Variants in KIAA0586 observed in about 807,000 individuals in gnomAD.
KIAA0586 encodes protein TALPID3.
A neutral mutation model predicts 169.8 loss-of-function variants in KIAA0586; 144 were observed. The ratio of observed to expected loss-of-function variants is 0.85; its 90% CI spans 0.74 to 0.97. The LOEUF is 0.97. Ranked by LOEUF, KIAA0586 falls within the 50% of genes least tolerant of loss-of-function variation. KIAA0586 has a pLI of 0.00. For synonymous variants in KIAA0586, 625 were observed against 612.4 expected, an observed-to-expected ratio of 1.02 and a Z score of -0.30; for missense variants, 1,854 against 1,823.0, an observed-to-expected ratio of 1.02 and a Z score of -0.31.
intron 5 of KIAA0586, among the ~76,000 whole-genome samples, chr14:58,443,176 T>G (rs557461118): frequency 8.7e-4 from 132 of 152,308 alleles, no homozygotes; most frequent in African/African-American, 3.0e-3. Flanking sequence ...TTATTCTTAT[T>G]TGAGAGCTAG....
At chr14:58,513,623 T>C (rs1300303321) in intron 29 of KIAA0586, among the ~76,000 whole-genome samples, 1 of 151,792 alleles carries the variant, frequency 6.6e-6, no homozygotes, top group Non-Finnish European at 1.5e-5. Context: ...ATTAATGTAC[T>C]ATGGAAAATA....
At chr14:58,535,159 G>T (rs1322825950) in intron 29 of KIAA0586, among the ~76,000 whole-genome samples, 2 of 149,192 alleles carry the variant, frequency 1.3e-5, no homozygotes, top group Non-Finnish European at 3.0e-5. Context: ...TAGTTTTTAA[G>T]ATTCTTTTAG....
chr14:58,512,552 C>T lies in KIAA0586; in HGVS notation c.4354C>T (p.Gln1452Ter). 1 of 1,539,982 alleles carries T rather than the reference C, an allele frequency of 6.5e-7. No homozygotes were observed. Among genetic ancestry groups the T allele is most frequent in the South Asian group, 1.3e-5 (1 of 78,812 alleles). Residue 1452 changes from glutamine to a stop codon, truncating the protein, a stop_gained, in exon 29 of 31, where the codon CAA becomes TAA. Coordinates refer to ENST00000652326, the MANE Select transcript of KIAA0586 (RefSeq NM_001329943.3). LOFTEE classifies it high-confidence loss of function. ...ACTAAAGCAAAATCAGGATGTTAAG[C>T]AAGTTGAACACAAACCATCACAAAG... ...YQLKQNQDVK[Q>*]VEHKPSQSYL...
chr14:58,543,218 T>C (rs1192245418), intron 30 of KIAA0586, among the ~76,000 whole-genome samples: 3 of 152,088 alleles, frequency 2.0e-5, no homozygotes, highest in Non-Finnish European at 4.4e-5. Flanking sequence ...TCAGAGAAGT[T>C]ACGTAACTTT....
chr14:58,475,972 C>T (rs1420675211), intron 19 of KIAA0586, among the ~76,000 whole-genome samples: 1 of 152,154 alleles, frequency 6.6e-6, no homozygotes, highest in Non-Finnish European at 1.5e-5. Context: ...ATGGTGCACA[C>T]CTGTGGTCCC....
At chr14:58,477,661 T>G (rs1362786321) in intron 20 of KIAA0586, among the ~76,000 whole-genome samples, 1 of 152,188 alleles carries the variant, frequency 6.6e-6, no homozygotes, top group Non-Finnish European at 1.5e-5. Flanking sequence ...ATGGTTAAAA[T>G]GAGCCTCTTT....
At chr14:58,525,093 G>A (rs1345413874) in intron 29 of KIAA0586, among the ~76,000 whole-genome samples, 1 of 152,116 alleles carries the variant, frequency 6.6e-6, no homozygotes, top group Non-Finnish European at 1.5e-5. Flanking sequence ...TCCTTTAACA[G>A]ATAGGAAATG....
chr14:58,467,606 A>AG, intron 15 of KIAA0586, 129 bp from the exon 16 acceptor site: 1 of 662,360 alleles, frequency 1.5e-6, no homozygotes. Context: ...CTGATGATGG[A>AG]GGGAGGGGTG....
At chr14:58,510,097 G>A (rs527930850) in intron 28 of KIAA0586, among the ~76,000 whole-genome samples, 54 of 152,338 alleles carry the variant, frequency 3.5e-4, no homozygotes, top group Middle Eastern at 6.8e-3. Context: ...TTAGCTGGGC[G>A]TGGTGGCTCA....
chr14:58,427,866 T>G lies in KIAA0586; in HGVS notation c.-399T>G. 1 of 1,382,360 alleles carries G rather than the reference T, an allele frequency of 7.2e-7. No homozygotes were observed. Among genetic ancestry groups the G allele is most frequent in the South Asian group, 1.5e-5 (1 of 65,102 alleles). 85.6% of individuals were successfully genotyped at this position (1,382,360 alleles called of 1,614,324 possible). On this transcript the variant is annotated 5_prime_UTR_variant, in exon 1 of 31. Transcript: ENST00000652326. ...GCTATTACGCTTCTTATGTGGGTCA[T>G]TATTTTAAAAATAGCATTTCGCTTT...
At chr14:58,542,714 C>G (rs761888213) in intron 30 of KIAA0586, among the ~76,000 whole-genome samples, 2 of 152,100 alleles carry the variant, frequency 1.3e-5, no homozygotes, top group Non-Finnish European at 2.9e-5. Context: ...TGCAGCCCAC[C>G]CTGAGCCTCA....
intron 26 of KIAA0586, among the ~76,000 whole-genome samples, chr14:58,495,902 TTAAA>T (rs1461256874): frequency 1.3e-5 from 2 of 152,254 alleles, no homozygotes; most frequent in Non-Finnish European, 2.9e-5. Flanking sequence ...CATTCATAAT[TTAAA>T]TAGGCACTGA....
intron 16 of KIAA0586, among the ~76,000 whole-genome samples, chr14:58,469,999 C>T (rs570199586): frequency 6.6e-6 from 1 of 150,648 alleles, no homozygotes; most frequent in Non-Finnish European, 1.5e-5. Context: ...CTTAAGTATT[C>T]GTGTCCTGTG....
intron 30 of KIAA0586, among the ~76,000 whole-genome samples, chr14:58,542,181 T>C (rs2046672815): frequency 6.6e-6 from 1 of 152,154 alleles, no homozygotes; most frequent in Admixed American, 6.5e-5. Context: ...ATGAATACTT[T>C]AAATAAAAAG....
At chr14:58,506,513 G>A (rs1214895602) in intron 27 of KIAA0586, among the ~76,000 whole-genome samples, 2 of 151,526 alleles carry the variant, frequency 1.3e-5, no homozygotes, top group Admixed American at 6.6e-5. Context: ...ATGGTGAAAC[G>A]CTGCCTCTAC....
intron 14 of KIAA0586, chr14:58,463,826 T>TA (rs11389147): frequency 0.79 from 166,148 of 209,632 alleles, 63,355 homozygotes; most frequent in East Asian, 0.91. Context: ...ACCCTGTCTC[T>TA]AAAAAAAAAA....
chr14:58,430,065 A>G (rs1234499136), intron 2 of KIAA0586, among the ~76,000 whole-genome samples: 1 of 152,202 alleles, frequency 6.6e-6, no homozygotes, highest in Non-Finnish European at 1.5e-5. Flanking sequence ...AATTGAGACT[A>G]TATGACAATT....
chr14:58,517,879 A>G (rs2044878654), intron 29 of KIAA0586, among the ~76,000 whole-genome samples: 1 of 152,216 alleles, frequency 6.6e-6, no homozygotes, highest in Non-Finnish European at 1.5e-5. Flanking sequence ...TTAAAAGGCT[A>G]CATACTGTAT....
Position 58,492,213 on chromosome 14 carries a change from C to G in KIAA0586, c.3928C>G (p.Leu1310Val). ...SHKKFHADAI[L>V]SFAKQNQESA... is the part of the protein sequence containing the mutation. ...TAAAAAATTTCATGCAGATGCAATTCTTTCTTTTGCTAAACAAAACCAGGA... is the reference window on the plus strand; with the variant it reads ...TAAAAAATTTCATGCAGATGCAATTGTTTCTTTTGCTAAACAAAACCAGGA... The change falls in exon 26 of 31, where the codon CTT becomes GTT. Residue 1310 changes from leucine (L) to valine (V), a missense_variant. Physicochemically the swap from Leu to Val is conservative, Grantham distance 32. Coordinates refer to ENST00000652326, the MANE Select transcript of KIAA0586 (RefSeq NM_001329943.3). The G allele has an allele frequency of 6.4e-7, 1 of 1,550,560 alleles. No homozygotes were observed. Among genetic ancestry groups the G allele is most frequent in the South Asian group, 1.2e-5 (1 of 83,896 alleles).
Sources: gnomAD v4.1 joint callset for allele counts (sites outside exome capture counted in the v4.1 genomes callset) on GRCh38, gnomAD v4.1.1 for gene constraint, MANE v1.5 for transcripts, NCBI Gene and HGNC (gene_info 2026-07-23, HGNC 2026-07-21) for gene names.